The following CDH13 variants were observed in gnomAD, a reference collection of about 807,000 sequenced individuals.
The protein encoded by CDH13 is cadherin 13, also known as cadherin-13.
A neutral mutation model predicts 63.8 loss-of-function variants in CDH13; 24 were observed. That is an observed-to-expected ratio of 0.38 (90% CI 0.27 to 0.53). CDH13 has a LOEUF of 0.53. Ranked by LOEUF, CDH13 falls within the 20% of genes least tolerant of loss-of-function variation. The pLI, the probability that CDH13 is intolerant of heterozygous loss-of-function variation, is 0.85. For synonymous variants in CDH13, 503 were observed against 355.3 expected, an observed-to-expected ratio of 1.42 and a Z score of -4.67; for missense variants, 1,049 against 903.1, an observed-to-expected ratio of 1.16 and a Z score of -2.07.
chr16:82,945,496 T>C (rs1904608366), intron 2 of CDH13, among the ~76,000 whole-genome samples: 1 of 152,172 alleles, frequency 6.6e-6, no homozygotes, highest in Non-Finnish European at 1.5e-5. Flanking sequence ...CCATCGGTAG[T>C]TTCTACGAGG....
intron 9 of CDH13, among the ~76,000 whole-genome samples, chr16:83,675,448 G>A (rs1388114753): frequency 6.6e-6 from 1 of 152,200 alleles, no homozygotes; most frequent in Non-Finnish European, 1.5e-5. Context: ...TAGTTCCTCT[G>A]AAGCCAGCGT....
At chr16:83,312,174 C>G (rs180906336) in intron 5 of CDH13, among the ~76,000 whole-genome samples, 56 of 151,768 alleles carry the variant, frequency 3.7e-4, no homozygotes, top group African/African-American at 1.1e-3. Context: ...ATTGCACAAT[C>G]TCCTTCTCTC....
chr16:83,476,665 C>A (rs554771691), intron 6 of CDH13, among the ~76,000 whole-genome samples: 2 of 151,944 alleles, frequency 1.3e-5, no homozygotes, highest in Non-Finnish European at 2.9e-5. Flanking sequence ...AGTGACAAAG[C>A]GAGACTGTCT....
chr16:82,790,286 T>A (rs2036234880), intron 1 of CDH13, among the ~76,000 whole-genome samples: 1 of 151,850 alleles, frequency 6.6e-6, no homozygotes, highest in Non-Finnish European at 1.5e-5. Context: ...AACACAAAAA[T>A]TAGCTGGGCA....
At chr16:82,849,190 A>G (rs1031421287) in intron 1 of CDH13, among the ~76,000 whole-genome samples, 1 of 152,178 alleles carries the variant, frequency 6.6e-6, no homozygotes, top group Non-Finnish European at 1.5e-5. Flanking sequence ...AAGTAAAGAA[A>G]CGATCCCTAT....
chr16:83,004,319 C>T (rs1913253306), intron 2 of CDH13, among the ~76,000 whole-genome samples: 1 of 152,192 alleles, frequency 6.6e-6, no homozygotes, highest in Non-Finnish European at 1.5e-5. Flanking sequence ...ATTCACAAAA[C>T]ACTATGCCAG....
intron 7 of CDH13, among the ~76,000 whole-genome samples, chr16:83,577,967 T>A (rs956347235): frequency 6.6e-6 from 1 of 152,138 alleles, no homozygotes; most frequent in South Asian, 2.1e-4. Context: ...AAAATGAGAG[T>A]TCACTATTCA....
chr16:83,365,991 C>T (rs547866768), intron 6 of CDH13, among the ~76,000 whole-genome samples: 63 of 152,256 alleles, frequency 4.1e-4, no homozygotes, highest in African/African-American at 1.3e-3. Context: ...GTGAACCCCA[C>T]GGAGGTCATA....
intron 11 of CDH13, 100 bp downstream of exon 11, chr16:83,748,350 A>G: frequency 9.2e-7 from 1 of 1,084,216 alleles, no homozygotes; most frequent in Non-Finnish European, 1.3e-6. Context: ...TGTTCTTGGG[A>G]AGAATGTAAG....
chr16:83,523,127 C>G (rs2074879323), intron 7 of CDH13, among the ~76,000 whole-genome samples: 1 of 152,190 alleles, frequency 6.6e-6, no homozygotes. Flanking sequence ...CTTCCTCATG[C>G]ACCTGTCCAG....
At chr16:83,701,570 G>C (rs1351108457) in intron 10 of CDH13, among the ~76,000 whole-genome samples, 5 of 152,138 alleles carry the variant, frequency 3.3e-5, no homozygotes, top group Non-Finnish European at 1.5e-5. Context: ...TGGAGTCTCT[G>C]CATGCCTTTG....
At chr16:82,965,167 G>T (rs1361095985) in intron 2 of CDH13, among the ~76,000 whole-genome samples, 5 of 152,164 alleles carry the variant, frequency 3.3e-5, no homozygotes, top group African/African-American at 1.2e-4. Flanking sequence ...TCCCACTTCT[G>T]CTTCCAGCCC....
chr16:82,893,927 C>T (rs1166830055), intron 2 of CDH13, among the ~76,000 whole-genome samples: 1 of 152,200 alleles, frequency 6.6e-6, no homozygotes, highest in Non-Finnish European at 1.5e-5. Context: ...ACCACCACTT[C>T]AGTAACCTCC....
chr16:82,706,448 G>C (rs1028720803), intron 1 of CDH13, among the ~76,000 whole-genome samples: 1 of 152,152 alleles, frequency 6.6e-6, no homozygotes, highest in African/African-American at 2.4e-5. Flanking sequence ...CAGAGTAGAA[G>C]GCCGTGGAGC....
intron 2 of CDH13, among the ~76,000 whole-genome samples, chr16:82,902,436 A>G (rs2041502564): frequency 6.6e-6 from 1 of 151,096 alleles, no homozygotes; most frequent in African/African-American, 2.4e-5. Flanking sequence ...TTTTGCCAGG[A>G]TACATTGGTC....
intron 1 of CDH13, among the ~76,000 whole-genome samples, chr16:82,791,097 C>T (rs1219779229): frequency 6.6e-6 from 1 of 152,054 alleles, no homozygotes; most frequent in Non-Finnish European, 1.5e-5. Flanking sequence ...ATTAGCTGGG[C>T]GTGGTGGCAG....
intron 2 of CDH13, among the ~76,000 whole-genome samples, chr16:82,917,434 G>A (rs1226597314): frequency 2.0e-5 from 3 of 152,134 alleles, no homozygotes; most frequent in Non-Finnish European, 2.9e-5. Flanking sequence ...TTCTTCACAG[G>A]GAAGTCCTGG....
chr16:82,768,425 G>T lies in CDH13; in HGVS notation c.46-89937G>T, dbSNP rs28362150. Among the ~76,000 whole-genome samples, 792 of 152,256 alleles carry T rather than the reference G, an allele frequency of 5.2e-3. 5 individuals are homozygous for T. Among genetic ancestry groups the T allele is most frequent in the African/African-American group, 0.018 (754 of 41,542 alleles). On this transcript the variant is annotated intron_variant, in intron 1 of 13. Transcript: ENST00000567109. ...TACAGCCTTTGCAGAATTTGTGTCTGTCAACCTGGCCTTCCCAAGGAAATG... is the reference window on the plus strand; with the variant it reads ...TACAGCCTTTGCAGAATTTGTGTCTTTCAACCTGGCCTTCCCAAGGAAATG...
chr16:82,961,323 G>A (rs1262524060), intron 2 of CDH13, among the ~76,000 whole-genome samples: 1 of 152,152 alleles, frequency 6.6e-6, no homozygotes, highest in African/African-American at 2.4e-5. Flanking sequence ...GCCATCCTTG[G>A]AAAAGGAAAC....
Sources: allele counts gnomAD v4.1 joint callset (sites outside exome capture counted in the v4.1 genomes callset), GRCh38; gene constraint gnomAD v4.1.1; transcripts MANE v1.5; gene names NCBI Gene and HGNC (gene_info 2026-07-23, HGNC 2026-07-21).